DOCK5: variants seen among roughly 807,000 people sequenced by gnomAD.
DOCK5 encodes dedicator of cytokinesis 5, also known as dedicator of cytokinesis protein 5.
Under a neutral mutation model 251.8 loss-of-function variants are expected in DOCK5, and 142 were observed. The observed-to-expected ratio is 0.56, with a 90% CI of 0.49 to 0.65. DOCK5 has a LOEUF of 0.65. Ranked by LOEUF, DOCK5 falls within the 30% of genes least tolerant of loss-of-function variation. DOCK5 has a pLI of 0.00. For synonymous variants in DOCK5, 842 were observed against 835.5 expected, an observed-to-expected ratio of 1.01 and a Z score of -0.13; for missense variants, 2,111 against 2,312.3, an observed-to-expected ratio of 0.91 and a Z score of 1.79.
chr8:25,263,370 T>C (rs76850013), intron 2 of DOCK5, among the ~76,000 whole-genome samples: 5,112 of 151,880 alleles, frequency 0.034, 365 homozygotes, highest in African/African-American at 0.11. Flanking sequence ...TACAGATTAA[T>C]ACCTGTTAAT....
intron 1 of DOCK5, among the ~76,000 whole-genome samples, chr8:25,188,410 A>T (rs1467930756): frequency 6.6e-6 from 1 of 152,246 alleles, no homozygotes; most frequent in African/African-American, 2.4e-5. Context: ...TGGATGACTC[A>T]GAGCTAGCTA....
intron 50 of DOCK5, 81 bp downstream of exon 50, chr8:25,409,021 C>A: frequency 1.3e-6 from 2 of 1,574,914 alleles, no homozygotes; most frequent in Non-Finnish European, 1.7e-6. Context: ...GTAACTAAAC[C>A]AGCCAGAATG....
intron 1 of DOCK5, among the ~76,000 whole-genome samples, chr8:25,206,556 G>T (rs1802006112): frequency 6.6e-6 from 1 of 152,142 alleles, no homozygotes; most frequent in African/African-American, 2.4e-5. Flanking sequence ...ACCTGGGCTA[G>T]TTCCTACATG....
chr8:25,271,171 T>A (rs1434546306), intron 3 of DOCK5: 1 of 229,190 alleles, frequency 4.4e-6, no homozygotes, highest in African/African-American at 2.2e-5. Flanking sequence ...TGGATTTTTT[T>A]TAAATTTTTT....
intron 47 of DOCK5, among the ~76,000 whole-genome samples, chr8:25,401,810 G>A (rs1801443769): frequency 1.3e-5 from 2 of 152,130 alleles, no homozygotes; most frequent in African/African-American, 4.8e-5. Flanking sequence ...GTGCTGTCTG[G>A]CCAAATTCTT....
chr8:25,397,456 G>A (rs1048216470), intron 45 of DOCK5, among the ~76,000 whole-genome samples: 1 of 152,140 alleles, frequency 6.6e-6, no homozygotes, highest in African/African-American at 2.4e-5. Context: ...TCTTCTTTCT[G>A]TCCTTTTTCT....
At position 25,403,543 on chromosome 8, in the gene DOCK5, G is replaced by A. The variant is rs1801473048; in HGVS notation, c.4927-15G>A. The A allele has an allele frequency of 6.2e-7, 1 of 1,613,294 alleles. No homozygotes were observed. Among genetic ancestry groups the A allele is most frequent in the Non-Finnish European group, 8.5e-7 (1 of 1,179,548 alleles). ...ATTCCAGGTCCGCTAACCATGTGGAGTCATATGTTTTCAGCCACCCAACTT... is the reference window on the plus strand; with the variant it reads ...ATTCCAGGTCCGCTAACCATGTGGAATCATATGTTTTCAGCCACCCAACTT... On this transcript the variant is annotated splice_polypyrimidine_tract_variant and intron_variant, in intron 47 of 51. Coordinates refer to ENST00000276440, the MANE Select transcript of DOCK5 (RefSeq NM_024940.8).
intron 2 of DOCK5, among the ~76,000 whole-genome samples, chr8:25,264,229 G>T (rs1803670369): frequency 6.6e-6 from 1 of 151,596 alleles, no homozygotes; most frequent in South Asian, 2.1e-4. Context: ...GGGCATGGTG[G>T]CATGCACCTG....
chr8:25,282,021 C>T (rs1804208056), intron 5 of DOCK5, among the ~76,000 whole-genome samples: 1 of 151,554 alleles, frequency 6.6e-6, no homozygotes, highest in East Asian at 1.9e-4. Flanking sequence ...TGTTGATTGA[C>T]TAAAAGACAT....
intron 1 of DOCK5, among the ~76,000 whole-genome samples, chr8:25,224,693 A>G (rs148279516): frequency 2.8e-4 from 42 of 152,334 alleles, no homozygotes; most frequent in African/African-American, 9.4e-4. Context: ...ACATGGCATC[A>G]TATTTTCTTC....
At chr8:25,367,275 A>G (rs1049815901) in intron 31 of DOCK5, among the ~76,000 whole-genome samples, 4 of 152,072 alleles carry the variant, frequency 2.6e-5, no homozygotes, top group Admixed American at 2.0e-4. Context: ...AGCTTCCCCA[A>G]ATTGCAGGCA....
chr8:25,317,197 G>A lies in DOCK5; in HGVS notation c.1443+66G>A, dbSNP rs1192255244. On this transcript the variant is annotated intron_variant, in intron 14 of 51. Coordinates refer to ENST00000276440, the MANE Select transcript of DOCK5 (RefSeq NM_024940.8). ...GTCTTTACAATCACGATAGAATCTTGGCCGTATTTTAATTCTTCTTTGCAT... is the reference window on the plus strand; with the variant it reads ...GTCTTTACAATCACGATAGAATCTTAGCCGTATTTTAATTCTTCTTTGCAT... 6.4e-6 allele frequency: 10 copies of A among 1,572,336 alleles called. No homozygotes were observed. The African/African-American group carries it at 1.4e-4, about 21-fold the overall frequency.
intron 39 of DOCK5, among the ~76,000 whole-genome samples, chr8:25,382,240 G>A (rs1192263178): frequency 6.6e-6 from 1 of 152,136 alleles, no homozygotes; most frequent in Non-Finnish European, 1.5e-5. Context: ...GCCTCCCAAT[G>A]TGCAAGGATT....
intron 1 of DOCK5, among the ~76,000 whole-genome samples, chr8:25,207,546 A>G (rs567673366): frequency 1.3e-5 from 2 of 152,326 alleles, no homozygotes; most frequent in Admixed American, 6.5e-5. Flanking sequence ...CTTAACAATT[A>G]TGCTAAATCT....
Position 25,243,775 on chromosome 8 carries a change from T to A in DOCK5, c.127+18T>A. 1 of 1,611,860 alleles carries A rather than the reference T, an allele frequency of 6.2e-7. No homozygotes were observed. Among genetic ancestry groups the A allele is most frequent in the Non-Finnish European group, 8.5e-7 (1 of 1,178,384 alleles). The stretch of plus-strand genomic sequence containing the variant: ...GTACGAGGGTAAGTCTGGCTGGCCT[T>A]CTGCCAGATGAGGGCAAGGGAAAAA... On this transcript the variant is annotated intron_variant, in intron 2 of 51. Transcript: ENST00000276440.
intron 27 of DOCK5, among the ~76,000 whole-genome samples, chr8:25,356,002 C>A (rs1342789995): frequency 6.8e-6 from 1 of 146,678 alleles, no homozygotes; most frequent in African/African-American, 2.5e-5. Context: ...ACCATCCTGG[C>A]CAATATGGTG....
chr8:25,243,616 A>T, intron 1 of DOCK5, 58 bp from the exon 2 acceptor site: 4 of 1,534,092 alleles, frequency 2.6e-6, no homozygotes, highest in Non-Finnish European at 3.5e-6. Context: ...GGCGTGAGCC[A>T]CCGTGCCCAG....
intron 14 of DOCK5, among the ~76,000 whole-genome samples, chr8:25,318,416 T>G (rs1285713016): frequency 6.6e-6 from 1 of 151,854 alleles, no homozygotes; most frequent in Admixed American, 6.6e-5. Context: ...CTTTACTTTC[T>G]TCTTTCTTTT....
intron 11 of DOCK5, among the ~76,000 whole-genome samples, chr8:25,306,815 G>A (rs766017180): frequency 6.6e-6 from 1 of 151,996 alleles, no homozygotes; most frequent in African/African-American, 2.4e-5. Context: ...TCACTTAATG[G>A]CAGTGATACG....
Sources: gnomAD v4.1 joint callset for allele counts (sites outside exome capture counted in the v4.1 genomes callset) on GRCh38, gnomAD v4.1.1 for gene constraint, MANE v1.5 for transcripts, NCBI Gene and HGNC (gene_info 2026-07-23, HGNC 2026-07-21) for gene names.